The following RDH12 variants were observed in gnomAD, a reference collection of about 807,000 sequenced individuals.
RDH12 encodes the protein all-trans and 9-cis retinol dehydrogenase.
Under a neutral mutation model 34.0 loss-of-function variants are expected in RDH12, and 21 were observed. The ratio of observed to expected loss-of-function variants is 0.62; its 90% confidence interval spans 0.44 to 0.89. The LOEUF (loss-of-function observed/expected upper bound fraction) is 0.89, where lower values mean the gene tolerates loss of function less well. Ranked by LOEUF, RDH12 falls within the 40% of genes least tolerant of loss-of-function variation. RDH12 has a pLI of 0.00. For missense variants in RDH12, 394 were observed against 398.6 expected, an observed-to-expected ratio of 0.99 and a Z score of 0.10; for synonymous variants, 198 against 169.9, an observed-to-expected ratio of 1.17 and a Z score of -1.29.
intron 1 of RDH12, among the ~76,000 whole-genome samples, chr14:67,702,869 A>T (rs1194531915): frequency 1.3e-5 from 2 of 152,212 alleles, no homozygotes; most frequent in African/African-American, 4.8e-5. Context: ...GGTAGAGAGC[A>T]GTGGTATGAC....
At chr14:67,717,338 T>C (rs1184227406) in intron 1 of RDH12, among the ~76,000 whole-genome samples, 1 of 152,192 alleles carries the variant, frequency 6.6e-6, no homozygotes, top group Non-Finnish European at 1.5e-5. Flanking sequence ...CATTGTAGAC[T>C]AATGGAGTGA....
chr14:67,727,463 A>G, intron 7 of RDH12: 1 of 405,586 alleles, frequency 2.5e-6, no homozygotes, highest in East Asian at 5.5e-5. Flanking sequence ...TTTGCAACAG[A>G]CAGAGGCTTT....
chr14:67,722,811 A>G, intron 3 of RDH12, 101 bp downstream of exon 3: 1 of 1,020,644 alleles, frequency 9.8e-7, no homozygotes, highest in Non-Finnish European at 1.6e-6. Context: ...AGGCTGACAG[A>G]GGAGAAAGTC....
chr14:67,724,340 T>C, intron 3 of RDH12, 133 bp from the exon 4 acceptor site: 2 of 750,156 alleles, frequency 2.7e-6, no homozygotes, highest in Non-Finnish European at 4.8e-6. Context: ...GGTTAGCTTT[T>C]ATGAGTCTCC....
intron 1 of RDH12, among the ~76,000 whole-genome samples, chr14:67,710,096 G>A (rs1053290829): frequency 2.0e-5 from 3 of 152,148 alleles, no homozygotes; most frequent in African/African-American, 4.8e-5. Context: ...CACCTTTCCA[G>A]ACTGAACCAA....
In RDH12 at chr14:67,729,336, CGCCCT is replaced by C. The variant is rs386834261; in HGVS notation, c.806_810del (p.Ala269GlyfsTer2). The C allele has an allele frequency of 1.8e-4, 288 of 1,599,118 alleles. No individual in the cohort carries two copies. The highest frequency in any genetic ancestry group is 2.3e-4 in the Non-Finnish European group (270 of 1,179,842). On this transcript the variant is annotated frameshift_variant, in exon 8 of 9. Coordinates refer to ENST00000551171, the MANE Select transcript of RDH12 (RefSeq NM_152443.3). LOFTEE classifies it high-confidence loss of function. ...AGGGGGCGCAGACCAGCCTGCACTGCGCCCTGGCTGAGGGCCTGGAGCCCCTGAGT... is the reference window on the plus strand; with the variant it reads ...AGGGGGCGCAGACCAGCCTGCACTGCGGCTGAGGGCCTGGAGCCCCTGAGT...
At position 67,727,054 on chromosome 14, in the gene RDH12, C is replaced by A. The variant is rs370741042; in HGVS notation, c.522C>A (p.Ser174=). ...VSAPARVVNV[S]SVAHHIGKIP... is the part of the protein sequence containing the mutation. ...CCCCTGCACGGGTGGTTAATGTGTC[C>A]TCGGTGGCTCACCACATTGGCAAGA... is the stretch of plus-strand genomic sequence containing the variant. Residue 174 remains serine, a synonymous_variant, in exon 7 of 9, where the codon TCC becomes TCA. Coordinates refer to ENST00000551171, the MANE Select transcript of RDH12 (RefSeq NM_152443.3). 9 of 1,613,920 alleles carry A rather than the reference C, an allele frequency of 5.6e-6. No homozygotes were observed. Among genetic ancestry groups the A allele is most frequent in the Non-Finnish European group, 7.6e-6 (9 of 1,180,050 alleles).
At chr14:67,716,053 C>G (rs1034784288) in intron 1 of RDH12, among the ~76,000 whole-genome samples, 1 of 151,926 alleles carries the variant, frequency 6.6e-6, no homozygotes, top group African/African-American at 2.4e-5. Context: ...AAAAATTAGC[C>G]GGGGGTGGTA....
At chr14:67,713,498 A>G (rs959666760) in intron 1 of RDH12, among the ~76,000 whole-genome samples, 4 of 150,922 alleles carry the variant, frequency 2.7e-5, no homozygotes, top group Non-Finnish European at 4.4e-5. Context: ...TGGAGGGGAT[A>G]TTCCCAGACC....
Position 67,729,269 on chromosome 14 carries a change from T to G in RDH12, c.737T>G (p.Leu246Arg). The change falls in exon 8 of 9, where the codon CTG becomes CGG. Residue 246 changes from leucine to arginine, a missense_variant. By Grantham distance (102) the Leu-to-Arg change is moderately radical (BLOSUM62 -2). Transcript: ENST00000551171. ...ELVRHSSLLC[L>R]LWRLFSPFVK... The stretch of plus-strand genomic sequence containing the variant: ...GTCCGGCACTCCTCCCTGCTCTGCC[T>G]GCTCTGGCGGCTCTTCTCCCCCTTT... The G allele has an allele frequency of 1.2e-6, 2 of 1,607,396 alleles. No homozygotes were observed. The highest frequency in any genetic ancestry group is 8.5e-7 in the Non-Finnish European group (1 of 1,179,948).
intron 7 of RDH12, 52 bp downstream of exon 7, chr14:67,727,242 G>T (rs1430877223): frequency 7.0e-7 from 1 of 1,438,618 alleles, no homozygotes; most frequent in South Asian, 1.2e-5. Context: ...CCAAATTAGA[G>T]GTCCACAGCA....
At chr14:67,716,881 CAAA>C (rs35419842) in intron 1 of RDH12, among the ~76,000 whole-genome samples, 15 of 85,270 alleles carry the variant, frequency 1.8e-4, no homozygotes, top group African/African-American at 1.4e-4. Flanking sequence ...GAGTCTCTGT[CAAA>C]AAAAAAAAAA....
chr14:67,704,562 G>A (rs2037932177), intron 1 of RDH12, among the ~76,000 whole-genome samples: 1 of 152,028 alleles, frequency 6.6e-6, no homozygotes. Context: ...GTGGAAGGAT[G>A]GTAAGTATTA....
In RDH12 at chr14:67,733,955, C is replaced by T. The variant is rs981514858; in HGVS notation, c.*107C>T. ...TTGTCCTCTTGGCCAGCTGGTGCTG[C>T]GAATCCTGCCTGCTCTGATCCTCTT... On this transcript the variant is annotated 3_prime_UTR_variant, in exon 9 of 9. Coordinates refer to ENST00000551171, the MANE Select transcript of RDH12 (RefSeq NM_152443.3). 53 of 761,804 alleles carry T rather than the reference C, an allele frequency of 7.0e-5. No homozygotes were observed. The highest frequency in any genetic ancestry group is 4.3e-4 in the East Asian group (15 of 35,070). The allele number at this position is 761,804 out of a possible 1,614,324, so 47.2% of individuals were successfully genotyped here. A position where few individuals can be genotyped will look rare whatever the true frequency, so the allele number is the denominator to read the frequency against.
chr14:67,713,337 G>C (rs1209438758), intron 1 of RDH12, among the ~76,000 whole-genome samples: 1 of 132,230 alleles, frequency 7.6e-6, no homozygotes, highest in Non-Finnish European at 1.5e-5. Flanking sequence ...GGAGTTACCT[G>C]CTTTCCATCG....
rs79246314 is a variant in RDH12, at chr14:67,726,444, A to C, written c.448+289A>C. On this transcript the variant is annotated intron_variant, in intron 6 of 8. Coordinates refer to ENST00000551171, the MANE Select transcript of RDH12 (RefSeq NM_152443.3). ...TACAAGGCTTGCCAGGCAGGGCCAG[A>C]CCTGGGGTTATGCAGGCATCTGGGC... Among the ~76,000 whole-genome samples the C allele has an allele frequency of 2.6e-3, 394 of 152,318 alleles. 2 individuals are homozygous for C. Among genetic ancestry groups the C allele is most frequent in the Non-Finnish European group, 4.6e-3 (314 of 68,028 alleles).
intron 7 of RDH12, 47 bp from the exon 8 acceptor site, chr14:67,729,144 T>C: frequency 6.3e-7 from 1 of 1,592,334 alleles, no homozygotes; most frequent in Non-Finnish European, 8.6e-7. Context: ...GCTGTTTTCC[T>C]GGGCTCAGAG....
At chr14:67,705,361 G>A (rs1435689737) in intron 1 of RDH12, among the ~76,000 whole-genome samples, 3 of 152,192 alleles carry the variant, frequency 2.0e-5, no homozygotes, top group Admixed American at 2.0e-4. Flanking sequence ...AGTGTCAGTA[G>A]GTTACATATT....
intron 8 of RDH12, among the ~76,000 whole-genome samples, chr14:67,732,466 G>T: frequency 7.1e-6 from 1 of 141,614 alleles, no homozygotes. Flanking sequence ...ACTAGATACA[G>T]TATGATCCCG....
Sources: gnomAD v4.1 joint callset for allele counts (sites outside exome capture counted in the v4.1 genomes callset) on GRCh38, gnomAD v4.1.1 for gene constraint, MANE v1.5 for transcripts, NCBI Gene and HGNC (gene_info 2026-07-23, HGNC 2026-07-21) for gene names.